KCMF1: variants seen among roughly 807,000 people sequenced by gnomAD.
KCMF1 encodes E3 ubiquitin-protein ligase KCMF1.
Under a neutral mutation model 41.1 loss-of-function variants are expected in KCMF1, and 3 were observed. That is an observed-to-expected ratio of 0.07 (90% CI 0.03 to 0.19). The LOEUF (loss-of-function observed/expected upper bound fraction) is 0.19, where lower values mean the gene tolerates loss of function less well. Among genes scored for constraint, KCMF1 ranks in the 10% least tolerant of loss-of-function variants. The pLI is 1.00. For synonymous variants in KCMF1, 142 were observed against 164.5 expected, an observed-to-expected ratio of 0.86 and a Z score of 1.04; for missense variants, 286 against 488.9, an observed-to-expected ratio of 0.58 and a Z score of 3.91.
chr2:84,994,779 T>G (rs949339013), intron 1 of KCMF1, among the ~76,000 whole-genome samples: 1 of 152,228 alleles, frequency 6.6e-6, no homozygotes, highest in East Asian at 1.9e-4. Context: ...TTTAGTTTGT[T>G]AAAATCAGGA....
chr2:85,008,263 C>CATATATA (rs1465922425), intron 1 of KCMF1, among the ~76,000 whole-genome samples: 1 of 68,830 alleles, frequency 1.5e-5, no homozygotes. Flanking sequence ...TATTATATAT[C>CATATATA]ATATATAATA....
intron 2 of KCMF1, among the ~76,000 whole-genome samples, chr2:85,030,745 G>A (rs746595851): frequency 6.6e-6 from 1 of 152,178 alleles, no homozygotes; most frequent in Non-Finnish European, 1.5e-5. Context: ...CACCCAGGCT[G>A]GAGTGCAGTG....
At chr2:84,998,903 T>C (rs1674243649) in intron 1 of KCMF1, among the ~76,000 whole-genome samples, 1 of 151,250 alleles carries the variant, frequency 6.6e-6, no homozygotes, top group African/African-American at 2.4e-5. Context: ...TGACCCACTG[T>C]GCTGGGCCTC....
chr2:85,009,110 T>TGGGAGGTGATTGTA (rs1411965350), intron 1 of KCMF1, among the ~76,000 whole-genome samples: 1 of 152,136 alleles, frequency 6.6e-6, no homozygotes, highest in African/African-American at 2.4e-5. Flanking sequence ...GTAATCCTCA[T>TGGGAGGTGATTGTA]ATGTCAGTGG....
At chr2:85,024,132 A>G (rs961552397) in intron 1 of KCMF1, among the ~76,000 whole-genome samples, 3 of 152,220 alleles carry the variant, frequency 2.0e-5, no homozygotes, top group Non-Finnish European at 2.9e-5. Context: ...TATGTTGTAC[A>G]TATCGCCAGT....
chr2:85,024,823 T>C (rs1015071057), intron 1 of KCMF1, among the ~76,000 whole-genome samples: 9 of 152,296 alleles, frequency 5.9e-5, no homozygotes, highest in South Asian at 2.1e-4. Context: ...CACCATTTAT[T>C]GTCCATTCCC....
intron 3 of KCMF1, among the ~76,000 whole-genome samples, chr2:85,036,006 A>T (rs1675393490): frequency 6.6e-6 from 1 of 152,194 alleles, no homozygotes; most frequent in East Asian, 1.9e-4. Flanking sequence ...CATACAGCTT[A>T]GTAAGGGGCA....
In KCMF1 at chr2:84,996,042, C is replaced by T. The variant is rs779626387; in HGVS notation, c.16+24575C>T. Among the ~76,000 whole-genome samples, 57 of 152,278 alleles carry T rather than the reference C, an allele frequency of 3.7e-4. 1 individual carries two copies. The highest frequency in any genetic ancestry group is 2.0e-4 in the Admixed American group (3 of 15,284). The stretch of plus-strand genomic sequence containing the variant: ...GCCGTCAATGTTGTTTCTTTTTGAA[C>T]AGCTCATAGTTTCAAGTTCCAAGCA... On this transcript the variant is annotated intron_variant, in intron 1 of 6. Transcript: ENST00000409785.
At chr2:85,024,605 T>C (rs368427971) in intron 1 of KCMF1, among the ~76,000 whole-genome samples, 2,738 of 147,896 alleles carry the variant, frequency 0.019, 39 homozygotes, top group African/African-American at 0.04. Flanking sequence ...TGTGTGTGTG[T>C]GCGCGTGTGT....
intron 3 of KCMF1, among the ~76,000 whole-genome samples, chr2:85,043,198 C>T (rs1260576730): frequency 2.0e-5 from 3 of 152,160 alleles, no homozygotes; most frequent in Admixed American, 2.0e-4. Context: ...AGAAGTGTGC[C>T]ATAGGCTTGT....
At chr2:84,999,742 A>G (rs1674281796) in intron 1 of KCMF1, among the ~76,000 whole-genome samples, 1 of 152,248 alleles carries the variant, frequency 6.6e-6, no homozygotes, top group African/African-American at 2.4e-5. Context: ...TGATGTAGGG[A>G]TAACATAAGA....
rs139888645 is a variant in KCMF1 at position 85,042,734 on chromosome 2, A to G, written c.325-830A>G. Among the ~76,000 whole-genome samples the G allele has an allele frequency of 2.2e-3, 337 of 152,254 alleles. 1 individual carries two copies. The highest frequency in any genetic ancestry group is 7.5e-3 in the African/African-American group (311 of 41,526). ...CTGTCCATTTGAATTTCGGAAGAGT[A>G]AGGGCCTTTCCTCTTTAAAACGTTC... On this transcript the variant is annotated intron_variant, in intron 3 of 6. Transcript: ENST00000409785.
In KCMF1 at chr2:85,053,139, C is replaced by T; in HGVS notation, c.885-9C>T. ...TAACAATAAGGTCTTTTCTTTTTAA[C>T]TTACACAGGTTGAATGATCCTAAAA... On this transcript the variant is annotated splice_polypyrimidine_tract_variant and intron_variant, in intron 6 of 6. Coordinates refer to ENST00000409785, the MANE Select transcript of KCMF1 (RefSeq NM_020122.5). 1 of 1,608,198 alleles carries T rather than the reference C, an allele frequency of 6.2e-7. No homozygotes were observed. The highest frequency in any genetic ancestry group is 1.1e-5 in the South Asian group (1 of 90,238).
At chr2:85,019,655 T>G (rs1000328607) in intron 1 of KCMF1, among the ~76,000 whole-genome samples, 3 of 152,094 alleles carry the variant, frequency 2.0e-5, no homozygotes, top group Non-Finnish European at 4.4e-5. Flanking sequence ...CCACATAGAT[T>G]ATTATTAATA....
chr2:85,017,841 CTT>C (rs1342657766), intron 1 of KCMF1, among the ~76,000 whole-genome samples: 4 of 152,208 alleles, frequency 2.6e-5, no homozygotes, highest in Admixed American at 2.6e-4. Flanking sequence ...TTAAAAACCT[CTT>C]TTATTTTTAT....
At chr2:85,018,401 A>G (rs539694416) in intron 1 of KCMF1, among the ~76,000 whole-genome samples, 5 of 151,256 alleles carry the variant, frequency 3.3e-5, no homozygotes, top group Admixed American at 6.6e-5. Context: ...TCCCGAGTAC[A>G]TGGGATTACA....
chr2:84,980,713 C>T (rs1417464275), intron 1 of KCMF1, among the ~76,000 whole-genome samples: 1 of 151,838 alleles, frequency 6.6e-6, no homozygotes, highest in Non-Finnish European at 1.5e-5. Flanking sequence ...ATAAACAAGG[C>T]TTACTGCAGC....
intron 1 of KCMF1, 76 bp from the exon 2 acceptor site, chr2:85,027,811 GCA>G: frequency 1.2e-6 from 1 of 834,348 alleles, no homozygotes; most frequent in Non-Finnish European, 1.9e-6. Flanking sequence ...GGTTAAATGA[GCA>G]CCTGAAACAT....
intron 2 of KCMF1, among the ~76,000 whole-genome samples, chr2:85,029,042 T>C (rs1675193556): frequency 6.6e-6 from 1 of 152,288 alleles, no homozygotes; most frequent in Non-Finnish European, 1.5e-5. Context: ...GGATTTCGGC[T>C]CACTGCAACA....
Sources: allele counts gnomAD v4.1 joint callset (sites outside exome capture counted in the v4.1 genomes callset), GRCh38; gene constraint gnomAD v4.1.1; transcripts MANE v1.5; gene names NCBI Gene and HGNC (gene_info 2026-07-23, HGNC 2026-07-21).